PRKCH: variants seen among roughly 807,000 people sequenced by gnomAD.
PRKCH encodes the protein protein kinase C eta type.
PRKCH carries 28 observed loss-of-function variants against 82.5 expected under a neutral mutation model. The observed-to-expected ratio is 0.34, with a 90% CI of 0.25 to 0.47. The LOEUF is 0.47. Among genes scored for constraint, PRKCH ranks in the 20% least tolerant of loss-of-function variants. The pLI, the probability that PRKCH is intolerant of heterozygous loss-of-function variation, is 1.00. For synonymous variants in PRKCH, 322 were observed against 327.4 expected (o/e 0.98, Z 0.18); for missense variants, 705 against 881.8 (o/e 0.80, Z 2.54).
At chr14:61,265,324 T>C (rs953505985) in intron 1 of PRKCH, among the ~76,000 whole-genome samples, 40 of 152,020 alleles carry the variant, frequency 2.6e-4, no homozygotes, top group Admixed American at 1.5e-3. Flanking sequence ...CTACAAAAAA[T>C]ACAAAAATTA....
At chr14:61,342,840 A>G (rs896484138) in intron 1 of PRKCH, among the ~76,000 whole-genome samples, 4 of 152,218 alleles carry the variant, frequency 2.6e-5, no homozygotes, top group Non-Finnish European at 5.9e-5. Context: ...TCTGTTGAAG[A>G]CCAGCAGCCA....
At chr14:61,302,554 A>G (rs1395856248) in intron 1 of PRKCH, among the ~76,000 whole-genome samples, 2 of 152,212 alleles carry the variant, frequency 1.3e-5, no homozygotes, top group Admixed American at 6.5e-5. Flanking sequence ...CCTGCTGTCT[A>G]TGGAACATCC....
chr14:61,219,658 T>C (rs1192720817), intron 1 of PRKCH, among the ~76,000 whole-genome samples: 1 of 152,228 alleles, frequency 6.6e-6, no homozygotes, highest in Non-Finnish European at 1.5e-5. Context: ...CTACTAGTTA[T>C]ATTACCCATC....
intron 1 of PRKCH, among the ~76,000 whole-genome samples, chr14:61,251,176 C>T (rs1412887131): frequency 6.6e-6 from 1 of 152,106 alleles, no homozygotes; most frequent in African/African-American, 2.4e-5. Flanking sequence ...AATGGGTATC[C>T]ATCCCCTCAA....
At position 61,370,403 on chromosome 14, in the gene PRKCH, G is replaced by C. The variant is rs1003862214; in HGVS notation, c.364-20822G>C. Among the ~76,000 whole-genome samples, 4 of 152,214 alleles carry C rather than the reference G, an allele frequency of 2.6e-5. No individual in the cohort carries two copies. In the East Asian group the frequency reaches 5.8e-4, roughly 22 times the overall value. ...GAGTCACCTGGAGTTTGTTAAGTGC[G>C]ATGCCAGTTTGCTAGGCCTGGGGGT... On this transcript the variant is annotated intron_variant, in intron 1 of 13. Coordinates refer to ENST00000332981, the MANE Select transcript of PRKCH (RefSeq NM_006255.5).
chr14:61,300,166 A>T (rs950758554), intron 1 of PRKCH, among the ~76,000 whole-genome samples: 2 of 151,636 alleles, frequency 1.3e-5, no homozygotes, highest in Non-Finnish European at 2.9e-5. Flanking sequence ...ATTTTTGAGC[A>T]TTTCATTCAG....
chr14:61,424,707 CAAG>C (rs1883019994), intron 2 of PRKCH, among the ~76,000 whole-genome samples: 1 of 152,182 alleles, frequency 6.6e-6, no homozygotes, highest in African/African-American at 2.4e-5. Context: ...GCGTAAGTAA[CAAG>C]GAGCCAAATG....
Position 61,449,154 on chromosome 14 carries a change from A to G in PRKCH, c.614-10A>G. The G allele has an allele frequency of 6.2e-7, 1 of 1,611,672 alleles. No individual in the cohort carries two copies. The highest frequency in any genetic ancestry group is 1.1e-5 in the South Asian group (1 of 91,028). Reference sequence around the variant, plus strand: ...TGATAAATGTATAATTGCTGGATTTAATTTCCTAGTGTGCACCTGTGTCGT... The same window carrying G: ...TGATAAATGTATAATTGCTGGATTTGATTTCCTAGTGTGCACCTGTGTCGT... On this transcript the variant is annotated splice_polypyrimidine_tract_variant and intron_variant, in intron 4 of 13. Transcript: ENST00000332981.
chr14:61,337,320 G>A (rs1446718404), intron 1 of PRKCH, among the ~76,000 whole-genome samples: 3 of 151,858 alleles, frequency 2.0e-5, no homozygotes, highest in Non-Finnish European at 2.9e-5. Context: ...ATTTTTTAAT[G>A]TAGAGACAGG....
chr14:61,323,294 A>G (rs1329467498), intron 1 of PRKCH, among the ~76,000 whole-genome samples: 1 of 151,566 alleles, frequency 6.6e-6, no homozygotes, highest in Admixed American at 6.6e-5. Flanking sequence ...CTGTAAATCA[A>G]TTAAAACTTC....
intron 1 of PRKCH, among the ~76,000 whole-genome samples, chr14:61,388,485 G>A (rs1420057132): frequency 6.6e-6 from 1 of 152,198 alleles, no homozygotes; most frequent in Non-Finnish European, 1.5e-5. Context: ...GGGAAGTGTT[G>A]AAGGGAGTTT....
rs147551190 is a variant in PRKCH, at chr14:61,455,291, C to T, written c.961-1885C>T. On this transcript the variant is annotated intron_variant, in intron 7 of 13. Coordinates refer to ENST00000332981, the MANE Select transcript of PRKCH (RefSeq NM_006255.5). ...TCCTGACCTTGTCATCCTCCCGTCTCGGCCTCCCAACGTGCTGGGATTACA... is the reference window on the plus strand; with the variant it reads ...TCCTGACCTTGTCATCCTCCCGTCTTGGCCTCCCAACGTGCTGGGATTACA... Among the ~76,000 whole-genome samples, 485 of 151,834 alleles carry T rather than the reference C, an allele frequency of 3.2e-3. 1 individual carries two copies. The highest frequency in any genetic ancestry group is 5.3e-3 in the Non-Finnish European group (358 of 67,944).
intron 10 of PRKCH, among the ~76,000 whole-genome samples, chr14:61,510,483 G>C (rs1887330311): frequency 6.6e-6 from 1 of 152,086 alleles, no homozygotes. Flanking sequence ...GGGGACCAAG[G>C]AGTAGGCGTT....
At chr14:61,330,177 C>G (rs1237358493) in intron 1 of PRKCH, among the ~76,000 whole-genome samples, 1 of 152,134 alleles carries the variant, frequency 6.6e-6, no homozygotes. Context: ...GGCAGGTAAG[C>G]CCCTGGTTTG....
intron 1 of PRKCH, among the ~76,000 whole-genome samples, chr14:61,283,849 TAAA>T (rs985332248): frequency 1.3e-5 from 2 of 151,588 alleles, no homozygotes; most frequent in African/African-American, 4.8e-5. Context: ...AAAAATAAAA[TAAA>T]AAAAGAGAGA....
intron 1 of PRKCH, among the ~76,000 whole-genome samples, chr14:61,234,587 T>G (rs1252930685): frequency 1.3e-5 from 2 of 152,220 alleles, no homozygotes; most frequent in Non-Finnish European, 2.9e-5. Flanking sequence ...ATATTTTAAT[T>G]GCATGTTCCA....
intron 2 of PRKCH, among the ~76,000 whole-genome samples, chr14:61,407,607 A>C (rs149380188): frequency 6.6e-6 from 1 of 151,988 alleles, no homozygotes; most frequent in African/African-American, 2.4e-5. Context: ...GCCCTGCTCA[A>C]ATGTGTCTGG....
chr14:61,431,238 T>C (rs2352088), intron 2 of PRKCH, among the ~76,000 whole-genome samples: 106,564 of 152,064 alleles, frequency 0.7, 37,545 homozygotes, highest in East Asian at 0.73. Context: ...CATGCGGCCC[T>C]TCCCAAGTGC....
At chr14:61,475,671 C>G (rs1346714951) in intron 9 of PRKCH, among the ~76,000 whole-genome samples, 2 of 152,184 alleles carry the variant, frequency 1.3e-5, no homozygotes, top group African/African-American at 4.8e-5. Context: ...TTAAAAAAAT[C>G]ATGGTCTTGA....
Sources: gnomAD v4.1 joint callset for allele counts (sites outside exome capture counted in the v4.1 genomes callset) on GRCh38, gnomAD v4.1.1 for gene constraint, MANE v1.5 for transcripts, NCBI Gene and HGNC (gene_info 2026-07-23, HGNC 2026-07-21) for gene names.